Variants in MKS1 observed in about 807,000 individuals in gnomAD.
The protein encoded by MKS1 is tectonic-like complex member MKS1.
MKS1 carries 70 observed loss-of-function variants against 83.7 expected under a neutral mutation model. The observed-to-expected ratio is 0.84, with a 90% CI of 0.69 to 1.02. The LOEUF is 1.02. Ranked by LOEUF, MKS1 falls within the 50% of genes least tolerant of loss-of-function variation. MKS1 has a pLI of 0.00. For missense variants in MKS1, 681 were observed against 726.9 expected (o/e 0.94, Z 0.73); for synonymous variants, 251 against 273.4 (o/e 0.92, Z 0.81).
intron 9 of MKS1, among the ~76,000 whole-genome samples, 192 bp downstream of exon 9, chr17:58,212,186 G>A (rs931474911): frequency 1.3e-5 from 2 of 152,134 alleles, no homozygotes; most frequent in Non-Finnish European, 2.9e-5. Context: ...CTTTTTCTTA[G>A]CATTAACAGT....
chr17:58,213,105 C>A lies in MKS1; in HGVS notation c.750-15G>T. ...CCGTCTCAATCCTGTAAGGTCAAAA[C>A]CACAGAAAGGAGCAACTCTAATAAT... On this transcript the variant is annotated splice_polypyrimidine_tract_variant and intron_variant, in intron 7 of 17. Transcript: ENST00000393119. The A allele has an allele frequency of 6.2e-7, 1 of 1,612,672 alleles. No individual in the cohort carries two copies. The highest frequency in any genetic ancestry group is 8.5e-7 in the Non-Finnish European group (1 of 1,178,660).
At chr17:58,218,276 G>A (rs1247583601) in intron 2 of MKS1, among the ~76,000 whole-genome samples, 1 of 151,584 alleles carries the variant, frequency 6.6e-6, no homozygotes, top group East Asian at 1.9e-4. Flanking sequence ...GTGAAACCCC[G>A]CCTCTACTGA....
chr17:58,206,177 G>A lies in MKS1; in HGVS notation c.1589-7C>T, dbSNP rs756418206. On this transcript the variant is annotated splice_polypyrimidine_tract_variant and splice_region_variant and intron_variant, in intron 17 of 17. Transcript: ENST00000393119. ...CGGGCTCGACGGAAGGCCTCTGTAAGGAAAGGAGATATGCTATTTGGCTGC... is the reference window on the plus strand; with the variant it reads ...CGGGCTCGACGGAAGGCCTCTGTAAAGAAAGGAGATATGCTATTTGGCTGC... 20 of 1,613,936 alleles carry A rather than the reference G, an allele frequency of 1.2e-5. No homozygotes were observed. The highest frequency in any genetic ancestry group is 1.6e-5 in the Non-Finnish European group (19 of 1,179,990).
At chr17:58,214,885 A>G (rs201966188) in intron 4 of MKS1, 47 bp from the exon 5 acceptor site, 7 of 1,566,524 alleles carry the variant, frequency 4.5e-6, no homozygotes, top group East Asian at 2.3e-5. Flanking sequence ...TCAGGGCCAC[A>G]TGGAGCCAAG....
Position 58,218,667 on chromosome 17 carries a change from C to G in MKS1, c.143G>C (p.Gly48Ala). ...AGTGGCCAAGTCTATGAGGTCCTTC[C>G]CGAGCTCGGCAGCAGGCTGATAATG... The part of the protein sequence containing the change: ...FLHYQPAAEL[G>A]KDLIDLATFR... The change falls in exon 2 of 18, where the codon GGG (glycine) becomes GCG (alanine). Residue 48 changes from glycine (G) to alanine (A), a missense_variant. Transcript: ENST00000393119. 1 of 1,613,906 alleles carries G rather than the reference C, an allele frequency of 6.2e-7. No homozygotes were observed. Among genetic ancestry groups the G allele is most frequent in the East Asian group, 2.2e-5 (1 of 44,868 alleles).
rs1156984327 is a variant in MKS1, at chr17:58,209,808, G to C, written c.1024+851C>G. ...GTTTACATTTTTTAAAGCTCAACTT[G>C]GCTTTGGTGTCTGTGGCAAATCAAC... On this transcript the variant is annotated intron_variant, in intron 11 of 17. Transcript: ENST00000393119. The surrounding 1 kb of genome is among the most constrained non-coding windows in gnomAD (Gnocchi z 4.1). Among the ~76,000 whole-genome samples, 1 of 152,218 alleles carries C rather than the reference G, an allele frequency of 6.6e-6. No homozygotes were observed. Among genetic ancestry groups the C allele is most frequent in the Non-Finnish European group, 1.5e-5 (1 of 68,028 alleles).
chr17:58,206,040 AT>A lies in MKS1; in HGVS notation c.*38del, dbSNP rs34304018. 5.3e-4 allele frequency: 842 copies of A among 1,582,762 alleles called. 7 individuals carry two copies. The African/African-American group carries it at 0.011, about 20-fold the overall frequency. ...AGAGCACTGGCCTCAGATATCCCCC[AT>A]CTTGTCCTCTTGCACTGTGGGCCAG... is the stretch of plus-strand genomic sequence containing the variant. On this transcript the variant is annotated 3_prime_UTR_variant, in exon 18 of 18. Transcript: ENST00000393119.
At chr17:58,211,736 T>TG (rs1597988706) in intron 9 of MKS1, among the ~76,000 whole-genome samples, 1 of 150,988 alleles carries the variant, frequency 6.6e-6, no homozygotes, top group East Asian at 2.0e-4. Context: ...CTAATTTTTT[T>TG]TTTTTTTTTT....
At chr17:58,212,339 A>C in intron 9 of MKS1, 39 bp downstream of exon 9, 1 of 1,612,090 alleles carries the variant, frequency 6.2e-7, no homozygotes, top group Non-Finnish European at 8.5e-7. Context: ...GCTCCGGCTA[A>C]ACACAGCTCA....
intron 3 of MKS1, 127 bp downstream of exon 3, chr17:58,216,539 T>G: frequency 8.8e-7 from 1 of 1,133,176 alleles, no homozygotes; most frequent in Non-Finnish European, 1.3e-6. Context: ...CAATGCCCTT[T>G]AAACACAACA....
At chr17:58,207,544 T>C in intron 14 of MKS1, 1 of 541,534 alleles carries the variant, frequency 1.8e-6, no homozygotes. Flanking sequence ...GTGAGAAGTA[T>C]GGCACAATGC....
chr17:58,212,537 G>T, intron 8 of MKS1, 103 bp from the exon 9 acceptor site: 1 of 1,291,256 alleles, frequency 7.7e-7, no homozygotes, highest in Non-Finnish European at 1.1e-6. Flanking sequence ...GGGTCAGCAA[G>T]AGCTGGAGGC....
intron 3 of MKS1, 112 bp from the exon 4 acceptor site, chr17:58,216,355 G>T: frequency 1.6e-6 from 2 of 1,235,238 alleles, no homozygotes; most frequent in Non-Finnish European, 2.3e-6. Context: ...TATCTGACAT[G>T]TTTTCATAAC....
Position 58,206,275 on chromosome 17 carries a change from G to C in MKS1, c.1588+8C>G. 1 of 1,613,996 alleles carries C rather than the reference G, an allele frequency of 6.2e-7. No homozygotes were observed. The highest frequency in any genetic ancestry group is 1.6e-4 in the Middle Eastern group (1 of 6,062). ...ACCTGGGGTGGCCAGCTGGGGGAGG[G>C]GACATACCTAGCACATTGTGAATGG... On this transcript the variant is annotated splice_region_variant and intron_variant, in intron 17 of 17. Coordinates refer to ENST00000393119, the MANE Select transcript of MKS1 (RefSeq NM_017777.4).
Position 58,211,225 on chromosome 17 carries a change from A to G in MKS1, c.916-203T>C, listed in dbSNP as rs563817777. 7.7e-5 allele frequency: 46 copies of G among 600,750 alleles called. No individual in the cohort carries two copies. In the African/African-American group the frequency reaches 7.9e-4, roughly 10 times the overall value. 37.2% of individuals were successfully genotyped at this position (600,750 alleles called of 1,614,324 possible). On this transcript the variant is annotated intron_variant, in intron 9 of 17. Transcript: ENST00000393119. ...GATTCACAATGTAGGGGGAAAGTAC[A>G]TAATTTAAATGGCAGTGAGGACAAT... is the stretch of plus-strand genomic sequence containing the variant.
chr17:58,207,766 G>C (rs1345382925), intron 14 of MKS1, 128 bp downstream of exon 14: 1 of 925,552 alleles, frequency 1.1e-6, no homozygotes, highest in Admixed American at 2.0e-5. Flanking sequence ...AGAGGAACAG[G>C]AACTCTTTCA....
At chr17:58,216,060 A>T in intron 4 of MKS1, 28 bp downstream of exon 4, 1 of 1,613,152 alleles carries the variant, frequency 6.2e-7, no homozygotes, top group Non-Finnish European at 8.5e-7. Flanking sequence ...CAAAGATGGA[A>T]GCTATGAGAC....
At chr17:58,213,342 C>T (rs1968996124) in intron 7 of MKS1, among the ~76,000 whole-genome samples, 1 of 152,192 alleles carries the variant, frequency 6.6e-6, no homozygotes, top group South Asian at 2.1e-4. Flanking sequence ...TAAGGCACAA[C>T]ATTCCTGCCA....
chr17:58,218,864 G>A, intron 1 of MKS1, 135 bp from the exon 2 acceptor site: 1 of 890,118 alleles, frequency 1.1e-6, no homozygotes, highest in South Asian at 1.4e-5. Context: ...AGAGGAGGTG[G>A]GTGGGTGCGC....
Sources: gnomAD v4.1 joint callset for allele counts (sites outside exome capture counted in the v4.1 genomes callset) on GRCh38, gnomAD v4.1.1 for gene constraint, Gnocchi (gnomAD v3.1) non-coding constraint, MANE v1.5 for transcripts, NCBI Gene and HGNC (gene_info 2026-07-23, HGNC 2026-07-21) for gene names.